The following NRXN1 variants were observed in gnomAD, a reference collection of about 807,000 sequenced individuals.
NRXN1 encodes neurexin 1, also known as neurexin-1.
In NRXN1, 39 loss-of-function variants were observed where a neutral mutation model predicts 150.9. The observed-to-expected ratio is 0.26, with a 90% CI of 0.20 to 0.34. NRXN1 has a LOEUF of 0.34. Among genes scored for constraint, NRXN1 ranks in the 10% least tolerant of loss-of-function variants. NRXN1 has a pLI of 1.00. For missense variants in NRXN1, 1,815 were observed against 1,949.9 expected (o/e 0.93, Z 1.30); for synonymous variants, 924 against 757.0 (o/e 1.22, Z -3.62).
At chr2:50,478,676 C>T (rs961050213) in intron 15 of NRXN1, among the ~76,000 whole-genome samples, 1 of 152,140 alleles carries the variant, frequency 6.6e-6, no homozygotes, top group Non-Finnish European at 1.5e-5. Context: ...TTAGGCGTGT[C>T]CTGAATTTCT....
chr2:50,885,519 A>G (rs1680100772), intron 5 of NRXN1, among the ~76,000 whole-genome samples: 1 of 151,384 alleles, frequency 6.6e-6, no homozygotes, highest in South Asian at 2.1e-4. Context: ...GTGCTATGAT[A>G]TCCCCATAAT....
intron 17 of NRXN1, among the ~76,000 whole-genome samples, chr2:50,445,910 A>G (rs1005299608): frequency 5.9e-5 from 9 of 152,124 alleles, no homozygotes; most frequent in Non-Finnish European, 1.3e-4. Flanking sequence ...TGCTTTTCTA[A>G]AAGATAGGTC....
At chr2:50,958,692 TCCTTA>T (rs1305032878) in intron 2 of NRXN1, among the ~76,000 whole-genome samples, 1 of 152,028 alleles carries the variant, frequency 6.6e-6, no homozygotes, top group Non-Finnish European at 1.5e-5. Context: ...TAGTTTCTTT[TCCTTA>T]CCTAAGTGCC....
chr2:50,190,906 C>G (rs1488269887), intron 18 of NRXN1, among the ~76,000 whole-genome samples: 2 of 152,108 alleles, frequency 1.3e-5, no homozygotes, highest in African/African-American at 4.8e-5. Context: ...AGCCACCACA[C>G]CCGGCCTACA....
chr2:50,900,338 A>T (rs540710586), intron 5 of NRXN1, among the ~76,000 whole-genome samples: 6 of 152,280 alleles, frequency 3.9e-5, no homozygotes, highest in African/African-American at 1.4e-4. Flanking sequence ...TGGAAGGGTA[A>T]GTATCTGGGA....
At chr2:50,270,594 T>C (rs1328865999) in intron 17 of NRXN1, among the ~76,000 whole-genome samples, 1 of 152,138 alleles carries the variant, frequency 6.6e-6, no homozygotes, top group Non-Finnish European at 1.5e-5. Context: ...TTTCCCATTA[T>C]ACACACAGTT....
At chr2:50,903,270 C>T (rs970677622) in intron 5 of NRXN1, among the ~76,000 whole-genome samples, 2 of 152,136 alleles carry the variant, frequency 1.3e-5, no homozygotes, top group Admixed American at 6.6e-5. Context: ...TACCAGACCT[C>T]GCCAACCTAA....
chr2:50,469,871 T>G (rs2089292308), intron 16 of NRXN1, among the ~76,000 whole-genome samples: 3 of 151,300 alleles, frequency 2.0e-5, no homozygotes, highest in African/African-American at 7.3e-5. Flanking sequence ...AATAATAGTT[T>G]AATGTGTAAC....
At chr2:50,197,499 A>G (rs779748621) in intron 18 of NRXN1, among the ~76,000 whole-genome samples, 1 of 152,140 alleles carries the variant, frequency 6.6e-6, no homozygotes, top group African/African-American at 2.4e-5. Context: ...TTTGATGTCT[A>G]CGTTACAGAG....
At chr2:50,039,217 G>C (rs895526429) in intron 21 of NRXN1, among the ~76,000 whole-genome samples, 2 of 151,968 alleles carry the variant, frequency 1.3e-5, no homozygotes, top group Non-Finnish European at 2.9e-5. Context: ...AAACTTCCCA[G>C]CACTTTGGGA....
intron 5 of NRXN1, among the ~76,000 whole-genome samples, chr2:50,801,174 T>C (rs1303985245): frequency 6.6e-6 from 1 of 152,188 alleles, no homozygotes; most frequent in Non-Finnish European, 1.5e-5. Context: ...CTTATTTATG[T>C]CAAAGTTTCT....
chr2:50,340,659 T>A (rs564165106), intron 17 of NRXN1, among the ~76,000 whole-genome samples: 3 of 152,022 alleles, frequency 2.0e-5, no homozygotes, highest in Non-Finnish European at 4.4e-5. Flanking sequence ...GAAATCCTTA[T>A]GATCAAAGGA....
intron 17 of NRXN1, among the ~76,000 whole-genome samples, chr2:50,311,811 C>T (rs1173751187): frequency 6.6e-6 from 1 of 152,092 alleles, no homozygotes; most frequent in African/African-American, 2.4e-5. Flanking sequence ...TGGTTCCTAA[C>T]TGTCACAACA....
At chr2:50,992,069 G>C (rs1388240815) in intron 2 of NRXN1, among the ~76,000 whole-genome samples, 1 of 151,998 alleles carries the variant, frequency 6.6e-6, no homozygotes, top group Non-Finnish European at 1.5e-5. Flanking sequence ...CCCAGTTTCT[G>C]TCCAATCTGC....
rs112760005 is a variant in NRXN1 at position 50,491,285 on chromosome 2, A to G, written c.3070+4620T>C. ...AATGGAGGGGATATGTGTTATATTC[A>G]GGATTGGAGAGGGCAGGGAGCTGAG... On this transcript the variant is annotated intron_variant, in intron 15 of 22. Transcript: ENST00000401669. 3.2e-4 allele frequency among the ~76,000 whole-genome samples: 49 copies of G among 152,336 alleles called. 1 individual carries two copies. The highest frequency in any genetic ancestry group is 1.1e-3 in the African/African-American group (45 of 41,570).
chr2:50,601,382 C>T (rs370008440), intron 8 of NRXN1, among the ~76,000 whole-genome samples: 3 of 152,110 alleles, frequency 2.0e-5, no homozygotes, highest in Middle Eastern at 3.2e-3. Flanking sequence ...TAGTATAATA[C>T]GTGGTTTGAC....
intron 8 of NRXN1, among the ~76,000 whole-genome samples, chr2:50,595,914 T>A (rs186142051): frequency 6.6e-6 from 1 of 152,326 alleles, no homozygotes; most frequent in Non-Finnish European, 1.5e-5. Context: ...AACACTGTGT[T>A]ATAGAGGCTC....
At chr2:50,262,907 A>C (rs1007253534) in intron 17 of NRXN1, among the ~76,000 whole-genome samples, 2 of 151,970 alleles carry the variant, frequency 1.3e-5, no homozygotes, top group African/African-American at 4.8e-5. Flanking sequence ...GTTTTTGGCA[A>C]AGAATTTAAA....
intron 5 of NRXN1, among the ~76,000 whole-genome samples, chr2:50,833,721 T>C (rs186365393): frequency 5.3e-5 from 8 of 152,324 alleles, no homozygotes; most frequent in Admixed American, 3.3e-4. Context: ...ATCCTGACTG[T>C]AGTGGTGGTT....
Sources: allele counts gnomAD v4.1 joint callset (sites outside exome capture counted in the v4.1 genomes callset), GRCh38; gene constraint gnomAD v4.1.1; transcripts MANE v1.5; gene names NCBI Gene and HGNC (gene_info 2026-07-23, HGNC 2026-07-21).